Variants in CSNK1A1 observed in about 807,000 individuals in gnomAD.
The protein encoded by CSNK1A1 is casein kinase 1 alpha 1.
In CSNK1A1, 7 loss-of-function variants were observed where a neutral mutation model predicts 46.1. The ratio of observed to expected loss-of-function variants is 0.15; its 90% CI spans 0.09 to 0.29. CSNK1A1 has a LOEUF of 0.29. CSNK1A1 is among the 10% of genes least tolerant of loss of function. The pLI, the probability that CSNK1A1 is intolerant of heterozygous loss-of-function variation, is 1.00. For missense variants in CSNK1A1, 96 were observed against 417.1 expected, an observed-to-expected ratio of 0.23 and a Z score of 6.71; for synonymous variants, 137 against 141.5, an observed-to-expected ratio of 0.97 and a Z score of 0.23.
At chr5:149,521,588 C>T (rs1561760879) in intron 3 of CSNK1A1, among the ~76,000 whole-genome samples, 2 of 151,064 alleles carry the variant, frequency 1.3e-5, no homozygotes, top group South Asian at 4.2e-4. Context: ...TGCCCGGCCT[C>T]GATTTAGAAG....
rs1231103287 is a variant in CSNK1A1, at chr5:149,496,824, C to T, written c.*29G>A. 1.3e-6 allele frequency: 2 copies of T among 1,559,350 alleles called. No individual in the cohort carries two copies. Among genetic ancestry groups the T allele is most frequent in the South Asian group, 1.2e-5 (1 of 83,468 alleles). On this transcript the variant is annotated 3_prime_UTR_variant, in exon 10 of 10. Transcript: ENST00000377843. ...AAACAAATGCTGCTCCGATCATCTG[C>T]TCTGCTTCTTCTGTTCCTCAATTCA...
intron 2 of CSNK1A1, among the ~76,000 whole-genome samples, chr5:149,542,650 A>ATATG (rs1762320804): frequency 1.6e-4 from 1 of 6,128 alleles, no homozygotes; most frequent in African/African-American, 1.2e-3. Flanking sequence ...GTATATATAT[A>ATATG]TATATATATA....
chr5:149,528,764 T>C (rs1376610785), intron 2 of CSNK1A1, among the ~76,000 whole-genome samples: 1 of 152,250 alleles, frequency 6.6e-6, no homozygotes, highest in Non-Finnish European at 1.5e-5. Context: ...ACTCATCTAC[T>C]GTAACTTTGG....
intron 2 of CSNK1A1, among the ~76,000 whole-genome samples, chr5:149,539,857 C>G (rs573268120): frequency 6.6e-6 from 1 of 152,038 alleles, no homozygotes; most frequent in African/African-American, 2.4e-5. Context: ...CACTTTGACT[C>G]ACATACTTTA....
chr5:149,548,197 T>C lies in CSNK1A1; in HGVS notation c.230+1878A>G, dbSNP rs189535142. Among the ~76,000 whole-genome samples the C allele has an allele frequency of 4.6e-4, 70 of 152,256 alleles. 1 individual carries two copies. The highest frequency in any genetic ancestry group is 1.2e-3 in the Admixed American group (18 of 15,292). On this transcript the variant is annotated intron_variant, in intron 2 of 9. Coordinates refer to ENST00000377843, the MANE Select transcript of CSNK1A1 (RefSeq NM_001892.6). ...GAACTCTTTTTAAGGACAGTTTTAT[T>C]TGAGTTGTTTCCATGTAAAGACTAT...
At chr5:149,507,217 T>C (rs1466700396) in intron 7 of CSNK1A1, 84 bp from the exon 8 acceptor site, 1 of 1,039,768 alleles carries the variant, frequency 9.6e-7, no homozygotes. Context: ...AGCAAAAAGA[T>C]ATTTTTGGGC....
At chr5:149,520,939 C>G (rs768645592) in intron 3 of CSNK1A1, among the ~76,000 whole-genome samples, 2 of 152,096 alleles carry the variant, frequency 1.3e-5, no homozygotes, top group South Asian at 4.1e-4. Flanking sequence ...ATTAAACATG[C>G]CATTCTTAAA....
chr5:149,545,022 A>C (rs575622012), intron 2 of CSNK1A1, among the ~76,000 whole-genome samples: 10 of 151,344 alleles, frequency 6.6e-5, no homozygotes, highest in African/African-American at 2.4e-4. Flanking sequence ...TAATCCCATG[A>C]ACCTGGGAGG....
intron 9 of CSNK1A1, chr5:149,504,586 C>T (rs746096347): frequency 8.2e-5 from 81 of 985,334 alleles, no homozygotes; most frequent in African/African-American, 4.0e-4. Flanking sequence ...CAACAGTGTG[C>T]CCTAACAGTT....
chr5:149,537,209 C>T (rs928459301), intron 2 of CSNK1A1, among the ~76,000 whole-genome samples: 2 of 152,184 alleles, frequency 1.3e-5, no homozygotes, highest in South Asian at 4.1e-4. Flanking sequence ...AACCCCATCT[C>T]TACTAAAAAT....
At position 149,550,837 on chromosome 5, in the gene CSNK1A1, A is replaced by G; in HGVS notation, c.123+5T>C. ...GTTATCGTGAACCCCACCCCAGATGATTACCTCGCCGTTGGTGATGTTGAT... is the reference window on the plus strand; with the variant it reads ...GTTATCGTGAACCCCACCCCAGATGGTTACCTCGCCGTTGGTGATGTTGAT... On this transcript the variant is annotated splice_donor_5th_base_variant and intron_variant, in intron 1 of 9. Transcript: ENST00000377843. The surrounding 1 kb of genome is among the most constrained non-coding windows in gnomAD (Gnocchi z 4.3). 1 of 1,613,908 alleles carries G rather than the reference A, an allele frequency of 6.2e-7. No individual in the cohort carries two copies. The highest frequency in any genetic ancestry group is 8.5e-7 in the Non-Finnish European group (1 of 1,179,884).
At chr5:149,542,620 A>ACACG (rs1561772256) in intron 2 of CSNK1A1, among the ~76,000 whole-genome samples, 3 of 12,862 alleles carry the variant, frequency 2.3e-4, no homozygotes, top group African/African-American at 1.7e-3. Context: ...ATATATATAT[A>ACACG]TATATATATA....
intron 9 of CSNK1A1, chr5:149,497,772 A>G (rs1760699255): frequency 2.0e-6 from 2 of 985,088 alleles, no homozygotes; most frequent in Non-Finnish European, 2.4e-6. Flanking sequence ...ACTCCAATCA[A>G]TCCTCACTTC....
At chr5:149,503,777 C>T in intron 9 of CSNK1A1, 1 of 985,356 alleles carries the variant, frequency 1.0e-6, no homozygotes, top group Non-Finnish European at 1.2e-6. Context: ...AAGAAACTAA[C>T]TTAAAATAAG....
In CSNK1A1 at chr5:149,496,501, T is replaced by A. The variant is rs1490340946; in HGVS notation, c.*352A>T. 1 of 278,976 alleles carries A rather than the reference T, an allele frequency of 3.6e-6. No individual in the cohort carries two copies. Among genetic ancestry groups the A allele is most frequent in the South Asian group, 8.0e-5 (1 of 12,446 alleles). 17.3% of individuals were successfully genotyped at this position (278,976 alleles called of 1,614,324 possible). A position where few individuals can be genotyped will look rare whatever the true frequency, so the allele number is the denominator to read the frequency against. ...TCTGAAATGAGATCTCAAAGCAGTA[T>A]AGTTCAAAACAAAAGGTTTTAACAA... On this transcript the variant is annotated 3_prime_UTR_variant, in exon 10 of 10. Coordinates refer to ENST00000377843, the MANE Select transcript of CSNK1A1 (RefSeq NM_001892.6).
chr5:149,536,691 A>G (rs1373564680), intron 2 of CSNK1A1, among the ~76,000 whole-genome samples: 1 of 152,244 alleles, frequency 6.6e-6, no homozygotes, highest in African/African-American at 2.4e-5. Context: ...CTATTCAAAT[A>G]CATGAATAGC....
intron 2 of CSNK1A1, chr5:149,549,322 C>T (rs745652063): frequency 1.7e-6 from 1 of 599,986 alleles, no homozygotes. Flanking sequence ...TGACCATTCA[C>T]GAAAAGAAAG....
In CSNK1A1 at chr5:149,520,393, A is replaced by G. The variant is rs1353081771; in HGVS notation, c.358-5T>C. The G allele has an allele frequency of 6.6e-6, 10 of 1,511,972 alleles. No homozygotes were observed. The highest frequency in any genetic ancestry group is 2.3e-5 in the South Asian group (2 of 86,176). The allele number at this position is 1,511,972 out of a possible 1,614,324, so 93.7% of individuals were successfully genotyped here. A position where few individuals can be genotyped will look rare whatever the true frequency, so the allele number is the denominator to read the frequency against. ...ATATTCAATTCTACTGATCATCTGG[A>G]AAAAAAAGAAGGGAGAGATAATTGA... is the stretch of plus-strand genomic sequence containing the variant. On this transcript the variant is annotated splice_polypyrimidine_tract_variant and splice_region_variant and intron_variant, in intron 3 of 9. Coordinates refer to ENST00000377843, the MANE Select transcript of CSNK1A1 (RefSeq NM_001892.6).
chr5:149,505,904 TGGGGTTAA>T (rs1358842136), intron 8 of CSNK1A1, among the ~76,000 whole-genome samples: 1 of 152,036 alleles, frequency 6.6e-6, no homozygotes, highest in African/African-American at 2.4e-5. Context: ...GACACTTTTC[TGGGGTTAA>T]AAGATTACCT....
Sources: allele counts gnomAD v4.1 joint callset (sites outside exome capture counted in the v4.1 genomes callset), GRCh38; gene constraint gnomAD v4.1.1; non-coding constraint Gnocchi (gnomAD v3.1); transcripts MANE v1.5; gene names NCBI Gene and HGNC (gene_info 2026-07-23, HGNC 2026-07-21).